TMC2: variants seen among roughly 807,000 people sequenced by gnomAD.
TMC2 encodes the protein transmembrane channel like 2, also known as transmembrane channel-like protein 2.
Under a neutral mutation model 105.9 loss-of-function variants are expected in TMC2, and 102 were observed. That is an observed-to-expected ratio of 0.96 (90% CI 0.82 to 1.14). TMC2 has a LOEUF of 1.14. Ranked by LOEUF, TMC2 falls within the 50% of genes most tolerant of loss-of-function variation. The probability of loss-of-function intolerance (pLI) is 0.00; values close to 1 mark genes in which losing one functional copy is unlikely to be tolerated. For missense variants in TMC2, 1,093 were observed against 1,134.3 expected (o/e 0.96, Z 0.52); for synonymous variants, 402 against 422.8 (o/e 0.95, Z 0.60).
At chr20:2,634,155 A>T (rs1454106996) in intron 17 of TMC2, among the ~76,000 whole-genome samples, 5 of 152,170 alleles carry the variant, frequency 3.3e-5, no homozygotes, top group Admixed American at 6.5e-5. Context: ...CTTCAGCTAC[A>T]GGATAGTCTG....
chr20:2,559,988 G>A (rs1023693188), intron 3 of TMC2, among the ~76,000 whole-genome samples: 1 of 152,162 alleles, frequency 6.6e-6, no homozygotes, highest in Non-Finnish European at 1.5e-5. Flanking sequence ...CCTAGATACT[G>A]ACAGTGTGGC....
intron 2 of TMC2, among the ~76,000 whole-genome samples, chr20:2,550,194 A>G (rs2122809524): frequency 6.6e-6 from 1 of 152,080 alleles, no homozygotes; most frequent in Non-Finnish European, 1.5e-5. Context: ...CAAAAAAAAA[A>G]AAAAATTAGC....
intron 7 of TMC2, among the ~76,000 whole-genome samples, chr20:2,582,781 C>A (rs946183316): frequency 3.9e-5 from 6 of 152,092 alleles, no homozygotes; most frequent in Non-Finnish European, 8.8e-5. Flanking sequence ...TGGCCTTGAA[C>A]GCAACTTTAA....
At chr20:2,641,105 C>T in intron 19 of TMC2, 29 bp from the exon 20 acceptor site, 1 of 1,601,774 alleles carries the variant, frequency 6.2e-7, no homozygotes, top group Non-Finnish European at 8.6e-7. Context: ...TCTCCCACTT[C>T]CTCTTTCTTG....
chr20:2,634,113 T>C (rs2086624846), intron 17 of TMC2, among the ~76,000 whole-genome samples: 1 of 152,192 alleles, frequency 6.6e-6, no homozygotes, highest in Admixed American at 6.5e-5. Flanking sequence ...CAAAAAGTAT[T>C]TCAAGAAATG....
intron 17 of TMC2, among the ~76,000 whole-genome samples, chr20:2,627,253 C>T (rs1473084655): frequency 6.6e-6 from 1 of 152,168 alleles, no homozygotes; most frequent in Admixed American, 6.5e-5. Context: ...GGCTTAAAAC[C>T]CATTCTCTCT....
chr20:2,567,654 C>T (rs922868849), intron 4 of TMC2, among the ~76,000 whole-genome samples: 2 of 152,074 alleles, frequency 1.3e-5, no homozygotes, highest in Non-Finnish European at 2.9e-5. Context: ...ACCTCAGCCT[C>T]GCAAGACACT....
chr20:2,579,852 C>G (rs2086175822), intron 6 of TMC2, 98 bp from the exon 7 acceptor site: 1 of 691,902 alleles, frequency 1.4e-6, no homozygotes, highest in Middle Eastern at 2.5e-4. Flanking sequence ...ATTCAACAGA[C>G]TGATGTGAAA....
At chr20:2,572,407 C>CA in intron 5 of TMC2, 138 bp downstream of exon 5, 1 of 652,072 alleles carries the variant, frequency 1.5e-6, no homozygotes, top group Non-Finnish European at 2.8e-6. Context: ...GCCACCTGAC[C>CA]ATTCTGATCC....
intron 10 of TMC2, among the ~76,000 whole-genome samples, chr20:2,600,433 T>C (rs1284918879): frequency 1.3e-5 from 2 of 152,072 alleles, no homozygotes; most frequent in Non-Finnish European, 2.9e-5. Context: ...ATCCCAGCAC[T>C]TTGGGAGGCT....
Position 2,536,634 on chromosome 20 carries a change from G to A in TMC2, c.13G>A (p.Val5Ile), listed in dbSNP as rs1288451434. 2 of 1,575,210 alleles carry A rather than the reference G, an allele frequency of 1.3e-6. No homozygotes were observed. Among genetic ancestry groups the A allele is most frequent in the African/African-American group, 1.3e-5 (1 of 74,440 alleles). MSHQ[V>I]KGLKEEARGG... is the part of the protein sequence containing the mutation. ...AGTGCTGCTGACCATGAGCCACCAG[G>A]TAAAGGGCCTGAAAGAGGAAGGTGA... Residue 5 changes from valine (V) to isoleucine (I), a missense_variant, in exon 1 of 20, where the codon GTA becomes ATA. Transcript: ENST00000358864.
In TMC2 at chr20:2,573,773, G is replaced by A. The variant is rs569882824; in HGVS notation, c.645+1504G>A. On this transcript the variant is annotated intron_variant, in intron 5 of 19. Transcript: ENST00000358864. ...GACGGGGTTTCACCGTGTTAGCCAG[G>A]ATGGTCTCGATCTCCTGACCTCGTG... is the stretch of plus-strand genomic sequence containing the variant. 5.8e-3 allele frequency among the ~76,000 whole-genome samples: 876 copies of A among 150,726 alleles called. 2 individuals carry two copies. The highest frequency in any genetic ancestry group is 0.011 in the Non-Finnish European group (729 of 67,688).
chr20:2,569,863 C>A (rs1157230759), intron 4 of TMC2, among the ~76,000 whole-genome samples: 2 of 152,176 alleles, frequency 1.3e-5, no homozygotes, highest in Admixed American at 1.3e-4. Context: ...TTTTGTGTAG[C>A]CCCTCCAGAG....
In TMC2 at chr20:2,616,105, C is replaced by G; in HGVS notation, c.1873-32C>G. ...TCACCAAACGTGCTTTTTTTTTTCT[C>G]TCTCTCTCTCGCTCCCTCCCTCCCT... On this transcript the variant is annotated intron_variant, in intron 14 of 19. Transcript: ENST00000358864. The surrounding 1 kb of genome is among the most constrained non-coding windows in gnomAD (Gnocchi z 4.8). 2.0e-6 allele frequency: 3 copies of G among 1,518,764 alleles called. No homozygotes were observed. The highest frequency in any genetic ancestry group is 1.4e-5 in the African/African-American group (1 of 71,444). The allele number at this position is 1,518,764 out of a possible 1,614,324, so 94.1% of individuals were successfully genotyped here.
intron 2 of TMC2, among the ~76,000 whole-genome samples, chr20:2,539,461 A>C (rs4815298): frequency 3.3e-5 from 5 of 151,926 alleles, no homozygotes; most frequent in Non-Finnish European, 7.4e-5. Context: ...CATTACCACA[A>C]TGAAAACCAT....
chr20:2,583,600 T>C (rs2086210650), intron 7 of TMC2, among the ~76,000 whole-genome samples: 1 of 152,040 alleles, frequency 6.6e-6, no homozygotes, highest in Admixed American at 6.6e-5. Flanking sequence ...GTAGCTGGGA[T>C]TACAGGCATG....
intron 16 of TMC2, among the ~76,000 whole-genome samples, chr20:2,620,551 A>C (rs931025396): frequency 6.6e-6 from 1 of 152,230 alleles, no homozygotes; most frequent in Non-Finnish European, 1.5e-5. Context: ...CATGACATAC[A>C]TGAAAAACTC....
intron 2 of TMC2, among the ~76,000 whole-genome samples, chr20:2,541,275 A>G (rs764279162): frequency 6.6e-6 from 1 of 152,168 alleles, no homozygotes; most frequent in Non-Finnish European, 1.5e-5. Flanking sequence ...TCCCATTTTT[A>G]TAATAGAAAT....
chr20:2,572,624 C>T (rs114492533), intron 5 of TMC2, among the ~76,000 whole-genome samples: 3,097 of 152,200 alleles, frequency 0.02, 112 homozygotes, highest in African/African-American at 0.071. Flanking sequence ...ATCAGGGTCA[C>T]GTGGATGATA....
Sources: gnomAD v4.1 joint callset for allele counts (sites outside exome capture counted in the v4.1 genomes callset) on GRCh38, gnomAD v4.1.1 for gene constraint, Gnocchi (gnomAD v3.1) non-coding constraint, MANE v1.5 for transcripts, NCBI Gene and HGNC (gene_info 2026-07-23, HGNC 2026-07-21) for gene names.